Variants in SLC38A9 observed in about 807,000 individuals in gnomAD.
SLC38A9 encodes solute carrier family 38 member 9, also known as neutral amino acid transporter 9.
SLC38A9 carries 48 observed loss-of-function variants against 62.3 expected under a neutral mutation model. The observed-to-expected ratio is 0.77, with a 90% CI of 0.61 to 0.98. The LOEUF is 0.98. SLC38A9 is among the 50% of genes least tolerant of loss of function. The pLI is 0.00. For synonymous variants in SLC38A9, 204 were observed against 227.7 expected, an observed-to-expected ratio of 0.90 and a Z score of 0.94; for missense variants, 541 against 679.8, an observed-to-expected ratio of 0.80 and a Z score of 2.27.
In SLC38A9 at chr5:55,632,747, T is replaced by A. The variant is rs188705009; in HGVS notation, c.1430+1007A>T. 5.3e-5 allele frequency among the ~76,000 whole-genome samples: 8 copies of A among 152,292 alleles called. No homozygotes were observed. In the East Asian group the frequency reaches 1.5e-3, roughly 29 times the overall value. On this transcript the variant is annotated intron_variant, in intron 14 of 15. Transcript: ENST00000396865. ...AAAGAAATGATCTGACCTGTCTTGT[T>A]TGACTGCAGGTCATAAGACTCCCAT...
chr5:55,669,944 C>T, intron 4 of SLC38A9, 65 bp from the exon 5 acceptor site: 2 of 1,455,316 alleles, frequency 1.4e-6, no homozygotes, highest in Non-Finnish European at 1.9e-6. Flanking sequence ...ATTTGTTACA[C>T]ATCAGAACAC....
intron 12 of SLC38A9, among the ~76,000 whole-genome samples, chr5:55,643,770 A>G (rs964955345): frequency 1.3e-5 from 2 of 152,228 alleles, no homozygotes; most frequent in Non-Finnish European, 2.9e-5. Context: ...CCTACAGATC[A>G]TTATGTAAAG....
intron 3 of SLC38A9, among the ~76,000 whole-genome samples, chr5:55,693,852 G>A (rs752523299): frequency 6.6e-6 from 1 of 151,948 alleles, no homozygotes; most frequent in South Asian, 2.1e-4. Context: ...CTTGAGCCCT[G>A]GAGTTCAAGA....
intron 3 of SLC38A9, among the ~76,000 whole-genome samples, chr5:55,690,899 A>G (rs945303516): frequency 1.3e-5 from 2 of 152,162 alleles, no homozygotes. Flanking sequence ...TATTCTCTCA[A>G]ATTCTTTGTC....
intron 3 of SLC38A9, among the ~76,000 whole-genome samples, chr5:55,681,746 A>G (rs1274766936): frequency 4.6e-5 from 7 of 152,178 alleles, no homozygotes; most frequent in South Asian, 4.1e-4. Context: ...ACAAGTCCCT[A>G]TGGTTGCTGA....
chr5:55,678,895 A>C (rs1468556128), intron 3 of SLC38A9, among the ~76,000 whole-genome samples: 1 of 151,692 alleles, frequency 6.6e-6, no homozygotes, highest in East Asian at 1.9e-4. Context: ...CCTGGCCTCA[A>C]GTAATCCTCC....
chr5:55,633,851 T>C lies in SLC38A9; in HGVS notation c.1333A>G (p.Ile445Val), dbSNP rs749039313. ...GTCATCATCTGGAACAGCAGGAATA[T>C]CCTTGCAATGAAGGACAGGGTGTCA... ...SSDTLSFIARIFLLFQMMTVY... is the reference protein window; with the variant it reads ...SSDTLSFIARVFLLFQMMTVY... The change falls in exon 14 of 16, where the codon ATA (isoleucine) becomes GTA (valine). Residue 445 changes from isoleucine to valine, a missense_variant. Physicochemically the swap from Ile to Val is conservative, Grantham distance 29. Transcript: ENST00000396865. The C allele has an allele frequency of 4.3e-6, 7 of 1,613,802 alleles. No individual in the cohort carries two copies. The highest frequency in any genetic ancestry group is 2.2e-5 in the East Asian group (1 of 44,874).
chr5:55,688,164 C>T lies in SLC38A9; in HGVS notation c.113+9682G>A, dbSNP rs144412952. ...AGCTTAAGAAGCTTTTGGACTGAGA[C>T]GATACAGTTTTTTAGATATAGGATC... On this transcript the variant is annotated intron_variant, in intron 3 of 15. Transcript: ENST00000396865. Among the ~76,000 whole-genome samples the T allele has an allele frequency of 6.8e-3, 1,041 of 152,166 alleles. 12 individuals are homozygous for T. Among genetic ancestry groups the T allele is most frequent in the African/African-American group, 0.024 (1,000 of 41,502 alleles).
Position 55,633,812 on chromosome 5 carries a change from A to C in SLC38A9, c.1372T>G (p.Leu458Val), listed in dbSNP as rs1377454262. The C allele has an allele frequency of 6.2e-7, 1 of 1,614,104 alleles. No individual in the cohort carries two copies. The highest frequency in any genetic ancestry group is 8.5e-7 in the Non-Finnish European group (1 of 1,180,044). Reference protein sequence around the residue: ...LFQMMTVYPLLGYLARVQLLG... With the variant: ...LFQMMTVYPLVGYLARVQLLG... ...AGCTGGACACGAGCCAGGTAGCCTA[A>C]GAGTGGGTATACAGTCATCATCTGG... Residue 458 changes from leucine (L) to valine (V), a missense_variant, in exon 14 of 16, where the codon TTA (leucine) becomes GTA (valine). By Grantham distance (32) the Leu-to-Val change is conservative. Coordinates refer to ENST00000396865, the MANE Select transcript of SLC38A9 (RefSeq NM_173514.4).
intron 3 of SLC38A9, among the ~76,000 whole-genome samples, chr5:55,677,926 T>TGTGTGTGTTTGTGTG (rs1554062822): frequency 1.8e-5 from 2 of 112,144 alleles, no homozygotes; most frequent in South Asian, 6.5e-4. Context: ...TTTTTCTTTA[T>TGTGTGTGTTTGTGTG]TGTGTGTGTG....
At chr5:55,697,678 T>C (rs868022455) in intron 3 of SLC38A9, among the ~76,000 whole-genome samples, 168 bp downstream of exon 3, 1 of 141,144 alleles carries the variant, frequency 7.1e-6, no homozygotes, top group South Asian at 2.2e-4. Context: ...AAAAAAAATA[T>C]AAACCAGTAA....
At chr5:55,669,990 A>C in intron 4 of SLC38A9, 111 bp from the exon 5 acceptor site, 1 of 1,017,764 alleles carries the variant, frequency 9.8e-7, no homozygotes, top group South Asian at 2.1e-5. Context: ...TTTTGAACGG[A>C]GTCTCGCCCT....
chr5:55,709,604 A>T lies in SLC38A9; in HGVS notation c.-35+1848T>A, dbSNP rs544780878. Among the ~76,000 whole-genome samples, 82 of 152,280 alleles carry T rather than the reference A, an allele frequency of 5.4e-4. 1 individual carries two copies. In the East Asian group the frequency reaches 0.012, roughly 22 times the overall value. On this transcript the variant is annotated intron_variant, in intron 2 of 15. Coordinates refer to ENST00000396865, the MANE Select transcript of SLC38A9 (RefSeq NM_173514.4). The stretch of plus-strand genomic sequence containing the variant: ...CCCTAACCCCAAAAAGAAAAAAAAA[A>T]TACTAAACAATACTATTTCAATTTG...
At chr5:55,688,096 C>G (rs2150506551) in intron 3 of SLC38A9, among the ~76,000 whole-genome samples, 1 of 152,240 alleles carries the variant, frequency 6.6e-6, no homozygotes, top group South Asian at 2.1e-4. Context: ...GCAATTTTTG[C>G]ACATTGATTT....
chr5:55,633,009 CT>C (rs138036147), intron 14 of SLC38A9, among the ~76,000 whole-genome samples: 45 of 147,132 alleles, frequency 3.1e-4, no homozygotes, highest in East Asian at 7.9e-4. Context: ...GCCTTTTCTC[CT>C]TTTTTTTTTT....
chr5:55,647,187 AT>A (rs535424235), intron 11 of SLC38A9, among the ~76,000 whole-genome samples: 16 of 94,638 alleles, frequency 1.7e-4, no homozygotes, highest in East Asian at 7.5e-4. Flanking sequence ...TTTATTTTTT[AT>A]TTTTTTTTGC....
chr5:55,666,253 C>T (rs79495246), intron 7 of SLC38A9, among the ~76,000 whole-genome samples: 1 of 152,098 alleles, frequency 6.6e-6, no homozygotes, highest in African/African-American at 2.4e-5. Flanking sequence ...AAAACTAAAA[C>T]CATTTGCTTT....
chr5:55,706,313 T>G (rs1757291931), intron 2 of SLC38A9, among the ~76,000 whole-genome samples: 1 of 152,284 alleles, frequency 6.6e-6, no homozygotes. Context: ...ACCAATATAC[T>G]CTGTAGTATT....
rs116334514 is a variant in SLC38A9, at chr5:55,637,188, C to A, written c.1168-1531G>T. Among the ~76,000 whole-genome samples the A allele has an allele frequency of 2.6e-3, 397 of 152,284 alleles. 2 individuals are homozygous for A. Among genetic ancestry groups the A allele is most frequent in the African/African-American group, 9.1e-3 (378 of 41,564 alleles). The stretch of plus-strand genomic sequence containing the variant: ...GACAGCTCTCTGTAAAGTGGGACAG[C>A]CACCATCCCATAGACAGTTTTCAGC... On this transcript the variant is annotated intron_variant, in intron 12 of 15. Transcript: ENST00000396865.
Sources: allele counts gnomAD v4.1 joint callset (sites outside exome capture counted in the v4.1 genomes callset), GRCh38; gene constraint gnomAD v4.1.1; transcripts MANE v1.5; gene names NCBI Gene and HGNC (gene_info 2026-07-23, HGNC 2026-07-21).